PPP6R3: variants seen among roughly 807,000 people sequenced by gnomAD.
PPP6R3 encodes the protein protein phosphatase 6 regulatory subunit 3.
A neutral mutation model predicts 110.7 loss-of-function variants in PPP6R3; 38 were observed. The ratio of observed to expected loss-of-function variants is 0.34; its 90% CI spans 0.26 to 0.45. The LOEUF (loss-of-function observed/expected upper bound fraction) is 0.45. Among genes scored for constraint, PPP6R3 ranks in the 20% least tolerant of loss-of-function variants. PPP6R3 has a pLI of 1.00. For synonymous variants in PPP6R3, 369 were observed against 373.5 expected, an observed-to-expected ratio of 0.99 and a Z score of 0.14; for missense variants, 870 against 1,062.4, an observed-to-expected ratio of 0.82 and a Z score of 2.52.
chr11:68,592,074 A>T lies in PPP6R3; in HGVS notation c.1916+368A>T, dbSNP rs137912893. Among the ~76,000 whole-genome samples the T allele has an allele frequency of 4.4e-3, 670 of 152,346 alleles. 2 individuals are homozygous for T. The highest frequency in any genetic ancestry group is 6.9e-3 in the Non-Finnish European group (470 of 68,028). On this transcript the variant is annotated intron_variant, in intron 18 of 23. Coordinates refer to ENST00000393800, the MANE Select transcript of PPP6R3 (RefSeq NM_001164161.2). ...AAAAGATGGAAAACTTCCCAAAGGA[A>T]GGGGAAATTGTATTTAAAAGTTAAT...
intron 1 of PPP6R3, among the ~76,000 whole-genome samples, chr11:68,517,617 G>C (rs1478352113): frequency 6.6e-6 from 1 of 152,080 alleles, no homozygotes; most frequent in East Asian, 1.9e-4. Context: ...GGCCAAATGT[G>C]GGACAATTTG....
chr11:68,528,565 C>T (rs1312744349), intron 2 of PPP6R3, among the ~76,000 whole-genome samples: 1 of 152,096 alleles, frequency 6.6e-6, no homozygotes, highest in African/African-American at 2.4e-5. Context: ...AGACCAGCTG[C>T]TTTTACTCCT....
In PPP6R3 at chr11:68,471,954, CAGTG is replaced by C. The variant is rs1353839846; in HGVS notation, c.-158+11130_-158+11133del. ...GTGAAATGGAAGAGTTCTCAGCAGTCAGTGAGAATGAGGGGGTGTCAGGGCTGGC... is the reference window on the plus strand; with the variant it reads ...GTGAAATGGAAGAGTTCTCAGCAGTCAGAATGAGGGGGTGTCAGGGCTGGC... On this transcript the variant is annotated intron_variant, in intron 1 of 23. Coordinates refer to ENST00000393800, the MANE Select transcript of PPP6R3 (RefSeq NM_001164161.2). 3.3e-5 allele frequency among the ~76,000 whole-genome samples: 5 copies of C among 150,956 alleles called. No homozygotes were observed. In the East Asian group the frequency reaches 7.8e-4, roughly 23 times the overall value.
At chr11:68,463,614 C>A (rs765585152) in intron 1 of PPP6R3, among the ~76,000 whole-genome samples, 10 of 152,124 alleles carry the variant, frequency 6.6e-5, no homozygotes, top group Non-Finnish European at 1.3e-4. Flanking sequence ...GCTCTTCTAT[C>A]TGCTCAACTA....
chr11:68,565,851 T>A (rs1037164926), intron 9 of PPP6R3, among the ~76,000 whole-genome samples: 2 of 152,302 alleles, frequency 1.3e-5, no homozygotes, highest in Non-Finnish European at 2.9e-5. Context: ...TGAAGTTTTT[T>A]ACAAAGCCTG....
At chr11:68,557,502 CTTTTCTTTTTCTTTT>C (rs1459304691) in intron 7 of PPP6R3, among the ~76,000 whole-genome samples, 2 of 148,830 alleles carry the variant, frequency 1.3e-5, no homozygotes, top group African/African-American at 2.5e-5. Flanking sequence ...ATTTCTTTTT[CTTTTCTTTTTCTTTT>C]TTTTCTTTTT....
intron 1 of PPP6R3, among the ~76,000 whole-genome samples, chr11:68,479,782 A>AG (rs1414126316): frequency 6.6e-6 from 1 of 151,910 alleles, no homozygotes; most frequent in Non-Finnish European, 1.5e-5. Context: ...TCTGTCACCC[A>AG]GGCTGGAGTG....
intron 1 of PPP6R3, among the ~76,000 whole-genome samples, chr11:68,512,315 C>A (rs2099114904): frequency 1.3e-5 from 2 of 152,114 alleles, no homozygotes; most frequent in African/African-American, 4.8e-5. Flanking sequence ...GGTTTAGAGA[C>A]ACCATCTCTT....
At chr11:68,585,715 A>G (rs370218519) in intron 15 of PPP6R3, among the ~76,000 whole-genome samples, 1 of 152,110 alleles carries the variant, frequency 6.6e-6, no homozygotes, top group East Asian at 1.9e-4. Flanking sequence ...ATTACATCTG[A>G]TCATTTTCCT....
chr11:68,571,903 C>T (rs2099509139), intron 12 of PPP6R3, among the ~76,000 whole-genome samples: 1 of 152,166 alleles, frequency 6.6e-6, no homozygotes, highest in Non-Finnish European at 1.5e-5. Flanking sequence ...CCCAAAATTT[C>T]TCTCATGGTC....
At chr11:68,549,098 C>T (rs954939597) in intron 5 of PPP6R3, among the ~76,000 whole-genome samples, 9 of 152,138 alleles carry the variant, frequency 5.9e-5, no homozygotes, top group Non-Finnish European at 1.5e-5. Flanking sequence ...ACCATGTTGG[C>T]CAGGCTGGTC....
rs796893251 is a variant in PPP6R3 at position 68,525,828 on chromosome 11, A to G, written c.-7+6177A>G. ...TTTCTTTGGGTACCTTGTCTGTAAGATATTTGAATAATAAATGACCATTGT... is the reference window on the plus strand; with the variant it reads ...TTTCTTTGGGTACCTTGTCTGTAAGGTATTTGAATAATAAATGACCATTGT... On this transcript the variant is annotated intron_variant, in intron 2 of 23. Transcript: ENST00000393800. Among the ~76,000 whole-genome samples, 11 of 152,300 alleles carry G rather than the reference A, an allele frequency of 7.2e-5. 1 individual carries two copies. Among genetic ancestry groups the G allele is most frequent in the African/African-American group, 2.6e-4 (11 of 41,562 alleles).
At chr11:68,464,589 A>G (rs953090188) in intron 1 of PPP6R3, among the ~76,000 whole-genome samples, 31 of 152,120 alleles carry the variant, frequency 2.0e-4, no homozygotes, top group African/African-American at 7.5e-4. Flanking sequence ...CCTGCCTTGG[A>G]GATTATTTAG....
At chr11:68,582,709 C>A (rs2099563995) in intron 14 of PPP6R3, among the ~76,000 whole-genome samples, 1 of 152,238 alleles carries the variant, frequency 6.6e-6, no homozygotes, top group Non-Finnish European at 1.5e-5. Flanking sequence ...TGTGCCATTA[C>A]CTCTGTCTTT....
At chr11:68,547,539 A>G (rs888138559) in intron 4 of PPP6R3, among the ~76,000 whole-genome samples, 14 of 152,272 alleles carry the variant, frequency 9.2e-5, no homozygotes, top group African/African-American at 3.4e-4. Flanking sequence ...GTGCTAAGCT[A>G]TTGGAGTAAA....
At chr11:68,547,895 T>C (rs1487522737) in intron 4 of PPP6R3, among the ~76,000 whole-genome samples, 172 bp from the exon 5 acceptor site, 1 of 152,236 alleles carries the variant, frequency 6.6e-6, no homozygotes, top group Non-Finnish European at 1.5e-5. Flanking sequence ...TTTTGAGTAT[T>C]GTAACTATTA....
intron 3 of PPP6R3, among the ~76,000 whole-genome samples, chr11:68,541,184 T>C (rs2099313310): frequency 6.6e-6 from 1 of 152,226 alleles, no homozygotes; most frequent in Non-Finnish European, 1.5e-5. Context: ...CTTCACAATC[T>C]ACGTTCTTCT....
chr11:68,477,741 A>AAAAATATATATATATATATATAT, intron 1 of PPP6R3, among the ~76,000 whole-genome samples: 16 of 57,900 alleles, frequency 2.8e-4, no homozygotes, highest in Non-Finnish European at 4.3e-4. Context: ...AAAAAAAAAA[A>AAAAATATATATATATATATATAT]ATATATATAT....
At chr11:68,480,718 G>A (rs1345678215) in intron 1 of PPP6R3, among the ~76,000 whole-genome samples, 1 of 152,146 alleles carries the variant, frequency 6.6e-6, no homozygotes, top group Non-Finnish European at 1.5e-5. Context: ...AAATAACCAA[G>A]TACCAGATAT....
Sources: gnomAD v4.1 joint callset for allele counts (sites outside exome capture counted in the v4.1 genomes callset) on GRCh38, gnomAD v4.1.1 for gene constraint, MANE v1.5 for transcripts, NCBI Gene and HGNC (gene_info 2026-07-23, HGNC 2026-07-21) for gene names.